Variants in OPRM1 observed in about 807,000 individuals in gnomAD.
OPRM1 encodes mu-type opioid receptor.
OPRM1 carries 27 observed loss-of-function variants against 31.8 expected under a neutral mutation model. The ratio of observed to expected loss-of-function variants is 0.85; its 90% confidence interval spans 0.63 to 1.17. The LOEUF (loss-of-function observed/expected upper bound fraction) is 1.17. Among genes scored for constraint, OPRM1 ranks in the 50% most tolerant of loss-of-function variants. The probability of loss-of-function intolerance (pLI) is 0.00; values close to 1 mark genes in which losing one functional copy is unlikely to be tolerated. For missense variants in OPRM1, 536 were observed against 511.1 expected, an observed-to-expected ratio of 1.05 and a Z score of -0.47; for synonymous variants, 196 against 189.9, an observed-to-expected ratio of 1.03 and a Z score of -0.26.
chr6:154,083,943 CAAAAAAAAAAAA>C (rs57976654), intron 1 of OPRM1, among the ~76,000 whole-genome samples: 16 of 35,164 alleles, frequency 4.6e-4, no homozygotes, highest in African/African-American at 1.5e-3. Flanking sequence ...GACTCCGTCT[CAAAAAAAAAAAA>C]AAAAAAAAAA....
At chr6:154,058,185 AC>A (rs1562409472) in intron 1 of OPRM1, among the ~76,000 whole-genome samples, 2 of 152,102 alleles carry the variant, frequency 1.3e-5, no homozygotes, top group African/African-American at 4.8e-5. Flanking sequence ...CTTTCTACAC[AC>A]CCTTGCTTTT....
intron 1 of OPRM1, among the ~76,000 whole-genome samples, chr6:154,047,686 G>A (rs1781399262): frequency 6.6e-6 from 1 of 152,158 alleles, no homozygotes; most frequent in Admixed American, 6.5e-5. Flanking sequence ...ATATGTGTCT[G>A]TCCAGGCAAA....
At chr6:154,093,591 G>C (rs1356332635) in intron 3 of OPRM1, 1 of 1,470,092 alleles carries the variant, frequency 6.8e-7, no homozygotes, top group Admixed American at 2.4e-5. Context: ...TAAAAGGTTT[G>C]CTTTAAAAAT....
At chr6:154,246,867 C>G in exon 4 of OPRM1, 1 of 1,312,110 alleles carries the variant, frequency 7.6e-7, no homozygotes, top group Non-Finnish European at 1.0e-6. Flanking sequence ...AATTGTTAAC[C>G]CCCCGGGGAG....
chr6:154,122,330 G>A lies in OPRM1; in HGVS notation c.*3609G>A, dbSNP rs544408985. Among the ~76,000 whole-genome samples, 20 of 152,274 alleles carry A rather than the reference G, an allele frequency of 1.3e-4. No individual in the cohort carries two copies. Among genetic ancestry groups the A allele is most frequent in the African/African-American group, 4.8e-4 (20 of 41,558 alleles). Reference sequence around the variant, plus strand: ...ATTCTTGCCTGGATTCTCAACATAAGTCTTTACTCACAGGCCTATTGCTTG... The same window carrying A: ...ATTCTTGCCTGGATTCTCAACATAAATCTTTACTCACAGGCCTATTGCTTG... On this transcript the variant is annotated 3_prime_UTR_variant, in exon 4 of 4. Transcript: ENST00000330432.
At position 154,168,882 on chromosome 6, in the gene OPRM1, A is replaced by G. The variant is rs945844011; in HGVS notation, c.1164+77410A>G. Among the ~76,000 whole-genome samples, 6 of 151,948 alleles carry G rather than the reference A, an allele frequency of 3.9e-5. No individual in the cohort carries two copies. The highest frequency in any genetic ancestry group is 1.4e-4 in the African/African-American group (6 of 41,404). On this transcript the variant is annotated intron_variant, in intron 3 of 3. Transcript: ENST00000337049. The surrounding 1 kb of genome is among the most constrained non-coding windows in gnomAD (Gnocchi z 4.1). ...TGGCCTCCCAAAGTGCTGGGATTAC[A>G]GGTGTGAGCCACCACGCCCAGCCCA...
At chr6:154,031,627 C>T (rs1343542331) in intron 1 of OPRM1, among the ~76,000 whole-genome samples, 2 of 151,904 alleles carry the variant, frequency 1.3e-5, no homozygotes, top group Non-Finnish European at 2.9e-5. Flanking sequence ...TGTAATTCCA[C>T]GTACTAGCGA....
At chr6:154,115,326 G>A (rs1422508512) in intron 3 of OPRM1, among the ~76,000 whole-genome samples, 2 of 152,166 alleles carry the variant, frequency 1.3e-5, no homozygotes, top group African/African-American at 4.8e-5. Flanking sequence ...GATCGCTTGA[G>A]CTCAGGAGTT....
chr6:154,023,424 T>G (rs1778502989), intron 1 of OPRM1, among the ~76,000 whole-genome samples: 1 of 152,176 alleles, frequency 6.6e-6, no homozygotes, highest in African/African-American at 2.4e-5. Context: ...TTTACTAAAT[T>G]TGTTGATGCG....
At chr6:154,222,159 T>C (rs1778916098) in intron 3 of OPRM1, among the ~76,000 whole-genome samples, 1 of 152,184 alleles carries the variant, frequency 6.6e-6, no homozygotes, top group Non-Finnish European at 1.5e-5. Flanking sequence ...AAATATGAAA[T>C]AGATTTTAAT....
At chr6:154,088,792 A>T (rs1364723043) in intron 1 of OPRM1, among the ~76,000 whole-genome samples, 1 of 152,232 alleles carries the variant, frequency 6.6e-6, no homozygotes, top group African/African-American at 2.4e-5. Context: ...TTACCATGGC[A>T]TACAAGTTCT....
intron 3 of OPRM1, among the ~76,000 whole-genome samples, chr6:154,188,935 C>CAA (rs60712490): frequency 6.7e-6 from 1 of 149,690 alleles, no homozygotes; most frequent in East Asian, 2.0e-4. Context: ...TTCTTGATAC[C>CAA]AAAAAAAAGC....
At chr6:154,010,937 T>C (rs1388198927) in exon 1 of OPRM1, 6 of 1,300,108 alleles carry the variant, frequency 4.6e-6, no homozygotes, top group Non-Finnish European at 6.0e-6. Context: ...CCTGGAAACC[T>C]GGAGCACAGA....
At position 154,068,696 on chromosome 6, in the gene OPRM1, AT is replaced by A. The variant is rs539380663; in HGVS notation, c.291-21126del. ...ACGTAGCTATCTCTTCAACATATTTATTTTGTTCCCTTTGGATATATATACC... is the reference window on the plus strand; with the variant it reads ...ACGTAGCTATCTCTTCAACATATTTATTTGTTCCCTTTGGATATATATACC... On this transcript the variant is annotated intron_variant, in intron 1 of 3. Coordinates refer to ENST00000330432, the MANE Select transcript of OPRM1 (RefSeq NM_000914.5). Among the ~76,000 whole-genome samples the A allele has an allele frequency of 7.9e-5, 12 of 152,198 alleles. No individual in the cohort carries two copies. The South Asian group carries it at 2.5e-3, about 32-fold the overall frequency.
chr6:154,145,396 A>G (rs888725906), intron 3 of OPRM1, among the ~76,000 whole-genome samples: 2 of 152,270 alleles, frequency 1.3e-5, no homozygotes, highest in Non-Finnish European at 2.9e-5. Flanking sequence ...AATTAAATAT[A>G]CAATGCCATT....
chr6:154,073,172 A>G (rs1583369504), intron 1 of OPRM1, among the ~76,000 whole-genome samples: 1 of 152,160 alleles, frequency 6.6e-6, no homozygotes, highest in Non-Finnish European at 1.5e-5. Flanking sequence ...GAATACCTGA[A>G]ACTAAGAACA....
intron 1 of OPRM1, among the ~76,000 whole-genome samples, chr6:154,078,033 A>G (rs1372491053): frequency 1.3e-5 from 2 of 152,166 alleles, no homozygotes; most frequent in Non-Finnish European, 2.9e-5. Flanking sequence ...ACTTCATGAT[A>G]ATCTTTCCTC....
chr6:154,151,622 G>A (rs1583658921), intron 3 of OPRM1, among the ~76,000 whole-genome samples: 1 of 152,102 alleles, frequency 6.6e-6, no homozygotes. Context: ...TCTGGGCAGG[G>A]CATCAACAGC....
At chr6:154,150,678 A>G (rs1798477548) in intron 3 of OPRM1, among the ~76,000 whole-genome samples, 1 of 152,142 alleles carries the variant, frequency 6.6e-6, no homozygotes. Context: ...AAGCTTCTTT[A>G]CCCGCACATC....
Sources: allele counts gnomAD v4.1 joint callset (sites outside exome capture counted in the v4.1 genomes callset), GRCh38; gene constraint gnomAD v4.1.1; non-coding constraint Gnocchi (gnomAD v3.1); transcripts MANE v1.5; gene names NCBI Gene and HGNC (gene_info 2026-07-23, HGNC 2026-07-21).